Variants in SLC9B1 observed in about 807,000 individuals in gnomAD.
SLC9B1 encodes solute carrier family 9 member B1, also known as sodium/hydrogen exchanger 9B1.
In SLC9B1, 32 loss-of-function variants were observed where a neutral mutation model predicts 51.7. The ratio of observed to expected loss-of-function variants is 0.62; its 90% confidence interval spans 0.47 to 0.83. The LOEUF (loss-of-function observed/expected upper bound fraction) is 0.83, where lower values mean the gene tolerates loss of function less well. Among genes scored for constraint, SLC9B1 ranks in the 40% least tolerant of loss-of-function variants. The pLI, the probability that SLC9B1 is intolerant of heterozygous loss-of-function variation, is 0.00. For synonymous variants in SLC9B1, 145 were observed against 212.7 expected (o/e 0.68, Z 2.77); for missense variants, 406 against 613.2 (o/e 0.66, Z 3.57).
At chr4:102,897,834 C>T, downstream of SLC9B1, 1 of 411,794 alleles carries the variant, frequency 2.4e-6, no homozygotes, top group Non-Finnish European at 4.7e-6. Context: ...GCTACTGCTA[C>T]TACAGATACT....
intron 3 of SLC9B1, among the ~76,000 whole-genome samples, chr4:102,974,837 G>A (rs1738968877): frequency 6.6e-6 from 1 of 152,136 alleles, no homozygotes; most frequent in South Asian, 2.1e-4. Context: ...AAATATTTAA[G>A]ATCATTATAA....
intron 3 of SLC9B1, among the ~76,000 whole-genome samples, chr4:102,972,220 A>G (rs1738801347): frequency 6.6e-6 from 1 of 152,214 alleles, no homozygotes; most frequent in African/African-American, 2.4e-5. Flanking sequence ...TCCCTGATGA[A>G]CATCAATGCA....
At chr4:102,922,739 A>G (rs1331953693) in intron 7 of SLC9B1, among the ~76,000 whole-genome samples, 1 of 152,232 alleles carries the variant, frequency 6.6e-6, no homozygotes, top group East Asian at 1.9e-4. Flanking sequence ...CACTGAGCCC[A>G]TGGAAATACA....
chr4:102,980,775 A>C (rs1307019415), intron 3 of SLC9B1, among the ~76,000 whole-genome samples: 1 of 152,042 alleles, frequency 6.6e-6, no homozygotes, highest in African/African-American at 2.4e-5. Flanking sequence ...GCTCCCACAC[A>C]CTTCCTCTAT....
intron 1 of SLC9B1, among the ~76,000 whole-genome samples, chr4:103,014,181 T>A (rs894960414): frequency 1.3e-5 from 2 of 152,226 alleles, no homozygotes; most frequent in African/African-American, 4.8e-5. Context: ...ATACTAAATT[T>A]TTGTTCTTCA....
At chr4:102,988,169 A>G (rs1739753987) in intron 3 of SLC9B1, among the ~76,000 whole-genome samples, 1 of 152,180 alleles carries the variant, frequency 6.6e-6, no homozygotes, top group Admixed American at 6.5e-5. Context: ...AAAAAGCTTC[A>G]TAAAAATATA....
intron 1 of SLC9B1, among the ~76,000 whole-genome samples, chr4:102,998,216 G>T (rs1295365282): frequency 1.3e-5 from 2 of 151,904 alleles, no homozygotes; most frequent in African/African-American, 4.8e-5. Flanking sequence ...TCTCCTTTCT[G>T]TCTCTATGAA....
intron 3 of SLC9B1, among the ~76,000 whole-genome samples, chr4:102,984,296 T>C (rs887863953): frequency 1.3e-5 from 2 of 152,034 alleles, no homozygotes; most frequent in Non-Finnish European, 2.9e-5. Flanking sequence ...TTATATTTCT[T>C]TGTAGAGACA....
chr4:102,991,413 T>G (rs929377127), intron 2 of SLC9B1, among the ~76,000 whole-genome samples: 2 of 152,124 alleles, frequency 1.3e-5, no homozygotes, highest in African/African-American at 4.8e-5. Flanking sequence ...TTCTTATTCC[T>G]AAAATCTGTG....
chr4:102,975,209 A>G (rs1738988717), intron 3 of SLC9B1, among the ~76,000 whole-genome samples: 1 of 152,096 alleles, frequency 6.6e-6, no homozygotes. Context: ...AAGTCTCACT[A>G]TGTTGCCCAG....
intron 3 of SLC9B1, among the ~76,000 whole-genome samples, chr4:102,981,607 C>T (rs1739364644): frequency 6.6e-6 from 1 of 152,126 alleles, no homozygotes; most frequent in South Asian, 2.1e-4. Context: ...AATGACCTAT[C>T]ATGTTGAGCA....
intron 11 of SLC9B1, among the ~76,000 whole-genome samples, chr4:102,901,762 A>G (rs1442381177): frequency 1.3e-5 from 2 of 152,096 alleles, no homozygotes; most frequent in African/African-American, 4.8e-5. Flanking sequence ...CCTTCTTCTC[A>G]TTGTTCTCCC....
At chr4:102,894,017 A>T (rs1378960370) in intron 11 of SLC9B1, among the ~76,000 whole-genome samples, 8 of 152,248 alleles carry the variant, frequency 5.3e-5, no homozygotes. Context: ...AGAGTAATAC[A>T]GTATGCAAAG....
At chr4:102,894,810 T>G (rs867402401) in intron 11 of SLC9B1, among the ~76,000 whole-genome samples, 2 of 151,904 alleles carry the variant, frequency 1.3e-5, no homozygotes, top group Non-Finnish European at 2.9e-5. Flanking sequence ...AAAAAGCTAG[T>G]TGGGCTTGGC....
intron 8 of SLC9B1, 102 bp downstream of exon 8, chr4:102,911,329 A>T: frequency 1.3e-6 from 1 of 773,278 alleles, no homozygotes; most frequent in Non-Finnish European, 2.0e-6. Flanking sequence ...CTAGTTTTAG[A>T]GAAATAGAAT....
chr4:102,962,047 C>T (rs1041651954), intron 3 of SLC9B1: 5 of 329,902 alleles, frequency 1.5e-5, no homozygotes, highest in African/African-American at 1.1e-4. Context: ...GCCTTGCTCT[C>T]AGCCCCTGGC....
chr4:102,909,175 A>C (rs1735215128), intron 9 of SLC9B1, among the ~76,000 whole-genome samples: 1 of 152,028 alleles, frequency 6.6e-6, no homozygotes, highest in South Asian at 2.1e-4. Flanking sequence ...AACACAGATC[A>C]TTTCCAGCTA....
At chr4:102,999,084 C>A (rs919471696) in intron 1 of SLC9B1, among the ~76,000 whole-genome samples, 3 of 152,178 alleles carry the variant, frequency 2.0e-5, no homozygotes, top group Non-Finnish European at 4.4e-5. Flanking sequence ...AAACTCCCAG[C>A]CTCAAAGTGC....
At chr4:102,957,387 T>A (rs1279179309) in intron 3 of SLC9B1, among the ~76,000 whole-genome samples, 2 of 152,142 alleles carry the variant, frequency 1.3e-5, no homozygotes, top group African/African-American at 4.8e-5. Context: ...ATAGTCAAAT[T>A]GGTGAAAACC....
Sources: allele counts gnomAD v4.1 joint callset (sites outside exome capture counted in the v4.1 genomes callset), GRCh38; gene constraint gnomAD v4.1.1; transcripts MANE v1.5; gene names NCBI Gene and HGNC (gene_info 2026-07-23, HGNC 2026-07-21).